The following CLIP1 variants were observed in gnomAD, a reference collection of about 807,000 sequenced individuals.
The protein encoded by CLIP1 is CAP-Gly domain-containing linker protein 1.
CLIP1 carries 66 observed loss-of-function variants against 161.6 expected under a neutral mutation model. The ratio of observed to expected loss-of-function variants is 0.41; its 90% CI spans 0.33 to 0.50. The LOEUF (loss-of-function observed/expected upper bound fraction) is 0.50. Ranked by LOEUF, CLIP1 falls within the 20% of genes least tolerant of loss-of-function variation. The probability of loss-of-function intolerance (pLI) is 0.27; values close to 1 mark genes in which losing one functional copy is unlikely to be tolerated. For missense variants in CLIP1, 1,376 were observed against 1,702.0 expected, an observed-to-expected ratio of 0.81 and a Z score of 3.37; for synonymous variants, 598 against 626.2, an observed-to-expected ratio of 0.96 and a Z score of 0.67.
intron 5 of CLIP1, among the ~76,000 whole-genome samples, chr12:122,357,440 G>A (rs1008512571): frequency 6.7e-6 from 1 of 149,932 alleles, no homozygotes; most frequent in Non-Finnish European, 1.5e-5. Context: ...CCCTCCGCCC[G>A]GCAGCCACCC....
chr12:122,284,618 T>C lies in CLIP1; in HGVS notation c.3647+3871A>G, dbSNP rs1335480216. ...CCACCTGCCTCGGCCTCCCAAAGTG[T>C]TGGGATTACAGGCATGAGCCACTGC... On this transcript the variant is annotated intron_variant, in intron 21 of 25. Coordinates refer to ENST00000620786, the MANE Select transcript of CLIP1 (RefSeq NM_001247997.2). Among the ~76,000 whole-genome samples, 5 of 152,156 alleles carry C rather than the reference T, an allele frequency of 3.3e-5. No homozygotes were observed. In the East Asian group the frequency reaches 7.7e-4, roughly 24 times the overall value.
intron 1 of CLIP1, among the ~76,000 whole-genome samples, chr12:122,414,882 A>G (rs1419426732): frequency 2.0e-5 from 3 of 151,982 alleles, no homozygotes; most frequent in Non-Finnish European, 1.5e-5. Flanking sequence ...GAAACACATT[A>G]TGTATATTAA....
chr12:122,422,262 G>A (rs1956975021), intron 1 of CLIP1, among the ~76,000 whole-genome samples: 1 of 151,972 alleles, frequency 6.6e-6, no homozygotes, highest in South Asian at 2.1e-4. Flanking sequence ...AGGAAGCGAA[G>A]GCCCGGCTCG....
At chr12:122,333,748 G>T (rs1180510862) in intron 14 of CLIP1, among the ~76,000 whole-genome samples, 2 of 152,234 alleles carry the variant, frequency 1.3e-5, no homozygotes, top group East Asian at 3.8e-4. Context: ...AGGGTCAGCT[G>T]TCAGGGTAGC....
In CLIP1 at chr12:122,333,014, A is replaced by C. The variant is rs143777418; in HGVS notation, c.2840T>G (p.Met947Arg). Residue 947 changes from methionine to arginine, a missense_variant, in exon 15 of 26, where the codon ATG becomes AGG. Transcript: ENST00000620786. ...SGDNSSQLTKMNDELRLKERD... is the reference protein window; with the variant it reads ...SGDNSSQLTKRNDELRLKERD... ...TTCTTTCAGACGTAATTCATCGTTC[A>C]TTTTTGTCAGCTGAGAAGAGTTATC... is the stretch of plus-strand genomic sequence containing the variant. 2,348 of 1,613,466 alleles carry C rather than the reference A, an allele frequency of 1.5e-3. 6 individuals carry two copies. Among genetic ancestry groups the C allele is most frequent in the Non-Finnish European group, 1.9e-3 (2,186 of 1,179,832 alleles).
rs1384823477 is a variant in CLIP1 at position 122,341,228 on chromosome 12, A to T, written c.1976T>A (p.Leu659Gln). 20 of 1,613,968 alleles carry T rather than the reference A, an allele frequency of 1.2e-5. No individual in the cohort carries two copies. Among genetic ancestry groups the T allele is most frequent in the Non-Finnish European group, 1.5e-5 (18 of 1,180,004 alleles). Residue 659 changes from leucine (L) to glutamine (Q), a missense_variant, in exon 11 of 26, where the codon CTA becomes CAA. This residue lies in a region of CLIP1 where 948 missense variants were observed against 1,134.8 expected (regional missense o/e 0.84). Transcript: ENST00000620786. ...LGTETAEFAE[L>Q]KTQIEKMRLD... ...TCTCATTTTCTCTATTTGTGTTTTT[A>T]GTTCAGCAAATTCTGCCGTCTCTGT...
chr12:122,292,990 A>G (rs1358986949), intron 20 of CLIP1, among the ~76,000 whole-genome samples: 29 of 142,096 alleles, frequency 2.0e-4, no homozygotes, highest in Admixed American at 8.4e-4. Context: ...GCAAAAGAGC[A>G]AGACTCTGTC....
intron 3 of CLIP1, among the ~76,000 whole-genome samples, chr12:122,371,699 C>T (rs575083399): frequency 2.0e-5 from 3 of 152,264 alleles, no homozygotes; most frequent in African/African-American, 7.2e-5. Flanking sequence ...GGAGGATGGA[C>T]AGTGAGACCA....
At chr12:122,389,587 C>T (rs1272484343) in intron 1 of CLIP1, among the ~76,000 whole-genome samples, 1 of 151,678 alleles carries the variant, frequency 6.6e-6, no homozygotes, top group Non-Finnish European at 1.5e-5. Flanking sequence ...GGCGAAACCC[C>T]GTCTCTACTA....
chr12:122,318,628 G>A (rs187525311), intron 18 of CLIP1, among the ~76,000 whole-genome samples: 17 of 152,284 alleles, frequency 1.1e-4, no homozygotes, highest in African/African-American at 4.1e-4. Flanking sequence ...TGGTGCCTCA[G>A]TCGGCTTAGG....
chr12:122,351,078 G>C, intron 9 of CLIP1, 33 bp downstream of exon 9: 3 of 1,497,256 alleles, frequency 2.0e-6, no homozygotes, highest in South Asian at 1.2e-5. Flanking sequence ...TTGTTAACAA[G>C]GGAAATATCC....
intron 1 of CLIP1, among the ~76,000 whole-genome samples, 199 bp downstream of exon 1, chr12:122,422,322 C>CCT (rs1284576817): frequency 2.6e-4 from 39 of 151,820 alleles, no homozygotes; most frequent in African/African-American, 9.4e-4. Context: ...CCCCCAGGGA[C>CCT]CCCCGGCCTC....
intron 1 of CLIP1, among the ~76,000 whole-genome samples, chr12:122,416,619 G>A (rs1956765917): frequency 6.6e-6 from 1 of 152,090 alleles, no homozygotes; most frequent in African/African-American, 2.4e-5. Context: ...ATAACATGGT[G>A]GCCGAGAGCA....
At chr12:122,318,534 A>C (rs1951355978) in intron 18 of CLIP1, among the ~76,000 whole-genome samples, 1 of 152,216 alleles carries the variant, frequency 6.6e-6, no homozygotes, top group Non-Finnish European at 1.5e-5. Context: ...ACTCCATCTC[A>C]AAACAACAAC....
At position 122,323,735 on chromosome 12, in the gene CLIP1, G is replaced by A. The variant is rs1409971907; in HGVS notation, c.3249+4212C>T. On this transcript the variant is annotated intron_variant, in intron 17 of 25. Coordinates refer to ENST00000620786, the MANE Select transcript of CLIP1 (RefSeq NM_001247997.2). This position sits in a 1 kb window ranked among gnomAD's most constrained non-coding sequence, Gnocchi z 4.1. ...ATCGAGATTGGACAATTTCTCTAAA[G>A]CTGACTTTTTCTCAGCTGTGAGATC... 6.6e-6 allele frequency: 1 copy of A among 152,668 alleles called. No individual in the cohort carries two copies. The highest frequency in any genetic ancestry group is 2.4e-5 in the African/African-American group (1 of 41,448). The allele number at this position is 152,668 out of a possible 1,614,324, so 9.5% of individuals were successfully genotyped here. A position where few individuals can be genotyped will look rare whatever the true frequency, so the allele number is the denominator to read the frequency against.
chr12:122,385,083 C>T (rs1955193263), intron 1 of CLIP1, among the ~76,000 whole-genome samples: 1 of 151,820 alleles, frequency 6.6e-6, no homozygotes, highest in East Asian at 2.0e-4. Flanking sequence ...CAGGCGCCCA[C>T]CACCACGCCC....
In CLIP1 at chr12:122,327,976, C is replaced by T; in HGVS notation, c.3220G>A (p.Glu1074Lys). 2 of 1,614,084 alleles carry T rather than the reference C, an allele frequency of 1.2e-6. No individual in the cohort carries two copies. The highest frequency in any genetic ancestry group is 1.7e-6 in the Non-Finnish European group (2 of 1,179,960). ...GCTTTGTCGGCTTGCTTTCTCAGCTCCTCCAGCTCCTGCAGCAAGCCACTG... is the reference window on the plus strand; with the variant it reads ...GCTTTGTCGGCTTGCTTTCTCAGCTTCTCCAGCTCCTGCAGCAAGCCACTG... Reference protein sequence around the residue: ...ENSGLLQELEELRKQADKAKA... With the variant: ...ENSGLLQELEKLRKQADKAKA... Residue 1074 changes from glutamate (E) to lysine (K), a missense_variant, in exon 17 of 26, where the codon GAG (glutamate) becomes AAG (lysine). This residue lies in a region of CLIP1 where 948 missense variants were observed against 1,134.8 expected (regional missense o/e 0.84). Transcript: ENST00000620786.
chr12:122,343,654 A>G (rs749950431), intron 10 of CLIP1: 5 of 152,196 alleles, frequency 3.3e-5, no homozygotes, highest in Admixed American at 6.5e-5. Context: ...ACCTATTCCC[A>G]TGTACTTCGA....
At chr12:122,340,659 A>G in intron 11 of CLIP1, 94 bp downstream of exon 11, 2 of 1,022,134 alleles carry the variant, frequency 2.0e-6, no homozygotes, top group Non-Finnish European at 2.8e-6. Context: ...TAAATCAGCA[A>G]TTTGGAAGAT....
Sources: allele counts gnomAD v4.1 joint callset (sites outside exome capture counted in the v4.1 genomes callset), GRCh38; gene constraint gnomAD v4.1.1; regional missense constraint gnomAD v4.1.1; non-coding constraint Gnocchi (gnomAD v3.1); transcripts MANE v1.5; gene names NCBI Gene and HGNC (gene_info 2026-07-23, HGNC 2026-07-21).